The following CROT variants were observed in gnomAD, a reference collection of about 807,000 sequenced individuals.
CROT encodes the protein peroxisomal carnitine O-octanoyltransferase.
CROT carries 84 observed loss-of-function variants against 89.2 expected under a neutral mutation model. That is an observed-to-expected ratio of 0.94 (90% CI 0.79 to 1.13). The LOEUF (loss-of-function observed/expected upper bound fraction) is 1.13, where lower values mean the gene tolerates loss of function less well. CROT is among the 50% of genes most tolerant of loss of function. The probability of loss-of-function intolerance (pLI) is 0.00; values close to 1 mark genes in which losing one functional copy is unlikely to be tolerated. For synonymous variants in CROT, 212 were observed against 239.5 expected (o/e 0.89, Z 1.06); for missense variants, 711 against 727.8 (o/e 0.98, Z 0.27).
chr7:87,350,444 A>G (rs1211671925), intron 3 of CROT, among the ~76,000 whole-genome samples: 2 of 152,116 alleles, frequency 1.3e-5, no homozygotes, highest in Non-Finnish European at 2.9e-5. Flanking sequence ...TTGTAATTCA[A>G]TGTCTATAGC....
At chr7:87,354,217 TA>T (rs1390699460) in intron 3 of CROT, among the ~76,000 whole-genome samples, 2 of 152,346 alleles carry the variant, frequency 1.3e-5, no homozygotes, top group East Asian at 3.9e-4. Context: ...TTAAGCCTTT[TA>T]AATCTTAGTT....
chr7:87,391,735 A>T, intron 14 of CROT, 23 bp downstream of exon 14: 1 of 1,595,762 alleles, frequency 6.3e-7, no homozygotes, highest in Non-Finnish European at 8.5e-7. Flanking sequence ...AAGGAAAAAA[A>T]CTCACAAGAT....
At chr7:87,377,726 C>T (rs1306064872) in intron 10 of CROT, among the ~76,000 whole-genome samples, 2 of 152,086 alleles carry the variant, frequency 1.3e-5, no homozygotes, top group African/African-American at 4.8e-5. Flanking sequence ...GTATTATCTG[C>T]TTGCTGAGAA....
intron 10 of CROT, among the ~76,000 whole-genome samples, chr7:87,378,167 A>G (rs1185288548): frequency 6.6e-6 from 1 of 151,892 alleles, no homozygotes; most frequent in Admixed American, 6.6e-5. Flanking sequence ...AATGGCATGA[A>G]ACCCCGTCTC....
intron 3 of CROT, among the ~76,000 whole-genome samples, chr7:87,353,518 A>G (rs1254850012): frequency 6.6e-6 from 1 of 152,166 alleles, no homozygotes; most frequent in Non-Finnish European, 1.5e-5. Context: ...CCATTTTTGC[A>G]TTGATATAAA....
At chr7:87,359,422 T>A (rs1427860045) in intron 4 of CROT, 92 bp downstream of exon 4, 6 of 1,487,090 alleles carry the variant, frequency 4.0e-6, no homozygotes, top group Non-Finnish European at 5.3e-6. Flanking sequence ...GCTGTAAAAA[T>A]TTTTACAGTT....
intron 3 of CROT, 38 bp from the exon 4 acceptor site, chr7:87,359,168 T>C: frequency 7.2e-7 from 1 of 1,380,274 alleles, no homozygotes; most frequent in Non-Finnish European, 1.0e-6. Context: ...TTGGTGGTAC[T>C]TGGTCTAAAT....
At position 87,359,385 on chromosome 7, in the gene CROT, G is replaced by A. The variant is rs753222362; in HGVS notation, c.240+55G>A. 1.2e-5 allele frequency: 18 copies of A among 1,511,702 alleles called. No homozygotes were observed. The African/African-American group carries it at 2.3e-4, about 19-fold the overall frequency. 93.6% of individuals were successfully genotyped at this position (1,511,702 alleles called of 1,614,324 possible). A position where few individuals can be genotyped will look rare whatever the true frequency, so the allele number is the denominator to read the frequency against. On this transcript the variant is annotated intron_variant, in intron 4 of 17. Transcript: ENST00000331536. ...ATGTTTAAAGAATGATAAATAAAAAGTGCATAGTTTTTATTTTTAAATTAT... is the reference window on the plus strand; with the variant it reads ...ATGTTTAAAGAATGATAAATAAAAAATGCATAGTTTTTATTTTTAAATTAT...
intron 17 of CROT, chr7:87,398,204 A>G: frequency 2.1e-6 from 1 of 481,156 alleles, no homozygotes; most frequent in Non-Finnish European, 4.0e-6. Context: ...TTCCAGTAGC[A>G]CTTTAGGAAG....
At chr7:87,357,617 G>C (rs1806124931) in intron 3 of CROT, 2 of 901,132 alleles carry the variant, frequency 2.2e-6, no homozygotes, top group Admixed American at 2.0e-5. Context: ...AGTGAGAAGA[G>C]ACAGCTTATT....
At chr7:87,387,340 G>C (rs975573746) in intron 13 of CROT, among the ~76,000 whole-genome samples, 1 of 151,876 alleles carries the variant, frequency 6.6e-6, no homozygotes, top group Admixed American at 6.6e-5. Context: ...CAGTAAATTT[G>C]TGTTTAAGTC....
At position 87,383,793 on chromosome 7, in the gene CROT, G is replaced by A. The variant is rs770139753; in HGVS notation, c.1301+1250G>A. 4.0e-5 allele frequency among the ~76,000 whole-genome samples: 6 copies of A among 151,816 alleles called. No individual in the cohort carries two copies. In the East Asian group the frequency reaches 5.8e-4, roughly 15 times the overall value. On this transcript the variant is annotated intron_variant, in intron 13 of 17. Transcript: ENST00000331536. ...ATTAGAGGTGTGAGCCACCACGCCC[G>A]GCCCACATTTTCTTTATCCATACAT... is the stretch of plus-strand genomic sequence containing the variant.
At chr7:87,361,955 AC>A in intron 6 of CROT, 103 bp downstream of exon 6, 1 of 1,051,732 alleles carries the variant, frequency 9.5e-7, no homozygotes, top group Non-Finnish European at 1.3e-6. Flanking sequence ...TACTGTTGGG[AC>A]TTTGACAAAG....
In CROT at chr7:87,379,421, A is replaced by G. The variant is rs940133569; in HGVS notation, c.978+1971A>G. ...TTCAAATTGGATGTTATATTGTTATATAAGAGTAAGTCAATCTCATCAAGA... is the reference window on the plus strand; with the variant it reads ...TTCAAATTGGATGTTATATTGTTATGTAAGAGTAAGTCAATCTCATCAAGA... On this transcript the variant is annotated intron_variant, in intron 10 of 17. Transcript: ENST00000331536. Among the ~76,000 whole-genome samples the G allele has an allele frequency of 4.6e-5, 7 of 152,214 alleles. No homozygotes were observed. The East Asian group carries it at 1.3e-3, about 29-fold the overall frequency.
At chr7:87,363,884 T>C (rs1806358559) in intron 6 of CROT, among the ~76,000 whole-genome samples, 1 of 152,192 alleles carries the variant, frequency 6.6e-6, no homozygotes, top group African/African-American at 2.4e-5. Context: ...AGTTATACTC[T>C]GGATGTATTT....
At chr7:87,358,762 G>A (rs1192905161) in intron 3 of CROT, among the ~76,000 whole-genome samples, 1 of 152,134 alleles carries the variant, frequency 6.6e-6, no homozygotes, top group East Asian at 1.9e-4. Context: ...AGAGGAGGTG[G>A]AAGTAGGGAC....
At chr7:87,357,278 G>A (rs1055272802) in intron 3 of CROT, among the ~76,000 whole-genome samples, 16 of 152,250 alleles carry the variant, frequency 1.1e-4, no homozygotes, top group Admixed American at 2.6e-4. Context: ...ATATACTGGC[G>A]TACATCTTGC....
intron 13 of CROT, among the ~76,000 whole-genome samples, chr7:87,384,051 G>C (rs1020523273): frequency 5.3e-5 from 8 of 151,914 alleles, no homozygotes; most frequent in African/African-American, 1.7e-4. Flanking sequence ...AATGTATGAG[G>C]GTTCCCTTTT....
At chr7:87,357,894 C>G (rs991064676) in intron 3 of CROT, among the ~76,000 whole-genome samples, 2 of 152,124 alleles carry the variant, frequency 1.3e-5, no homozygotes, top group Non-Finnish European at 2.9e-5. Flanking sequence ...ATTGGGATAC[C>G]TGGACTTTCT....
Sources: allele counts gnomAD v4.1 joint callset (sites outside exome capture counted in the v4.1 genomes callset), GRCh38; gene constraint gnomAD v4.1.1; transcripts MANE v1.5; gene names NCBI Gene and HGNC (gene_info 2026-07-23, HGNC 2026-07-21).